Variants in ZNF329 observed in about 807,000 individuals in gnomAD.
The protein encoded by ZNF329 is zinc finger protein 329.
A neutral mutation model predicts 26.6 loss-of-function variants in ZNF329; 15 were observed. The ratio of observed to expected loss-of-function variants is 0.56; its 90% confidence interval spans 0.38 to 0.87. The LOEUF (loss-of-function observed/expected upper bound fraction) is 0.87, where lower values mean the gene tolerates loss of function less well. Among genes scored for constraint, ZNF329 ranks in the 40% least tolerant of loss-of-function variants. The pLI is 0.00. For missense variants in ZNF329, 651 were observed against 651.9 expected, an observed-to-expected ratio of 1.00 and a Z score of 0.02; for synonymous variants, 239 against 233.5, an observed-to-expected ratio of 1.02 and a Z score of -0.21.
intron 3 of ZNF329, among the ~76,000 whole-genome samples, chr19:58,139,052 C>T (rs747887380): frequency 1.3e-5 from 2 of 151,988 alleles, no homozygotes; most frequent in Non-Finnish European, 2.9e-5. Flanking sequence ...TTCAGACACA[C>T]AAAATATTCT....
At chr19:58,151,428 C>G (rs1174020812), upstream of ZNF329, among the ~76,000 whole-genome samples, 2 of 151,926 alleles carry the variant, frequency 1.3e-5, no homozygotes, top group African/African-American at 2.4e-5. Flanking sequence ...TGGTGAAACC[C>G]CGTCTCCACT....
intron 1 of ZNF329, among the ~76,000 whole-genome samples, chr19:58,149,072 C>T (rs1443998858): frequency 6.6e-6 from 1 of 152,104 alleles, no homozygotes; most frequent in African/African-American, 2.4e-5. Flanking sequence ...AAACAGCTTG[C>T]AGTAAAGGTG....
upstream of ZNF329, among the ~76,000 whole-genome samples, chr19:58,154,197 C>A (rs905871339): frequency 6.6e-6 from 1 of 152,060 alleles, no homozygotes; most frequent in Admixed American, 6.6e-5. Flanking sequence ...TTAGTAGAGA[C>A]GGGGTTTCAC....
upstream of ZNF329, among the ~76,000 whole-genome samples, chr19:58,151,601 C>CA (rs555824584): frequency 0.25 from 17,837 of 70,212 alleles, 1,655 homozygotes; most frequent in African/African-American, 0.29. Flanking sequence ...GACTTCGTCT[C>CA]AAAAAAAAAA....
At chr19:58,154,584 T>A (rs922981339), upstream of ZNF329, among the ~76,000 whole-genome samples, 2 of 152,164 alleles carry the variant, frequency 1.3e-5, no homozygotes, top group Admixed American at 1.3e-4. Flanking sequence ...AGGGCTCACA[T>A]TCCACAACTA....
At chr19:58,129,901 A>C (rs550095034) in intron 3 of ZNF329, among the ~76,000 whole-genome samples, 1 of 152,330 alleles carries the variant, frequency 6.6e-6, no homozygotes, top group Non-Finnish European at 1.5e-5. Flanking sequence ...CTGACTTCAC[A>C]ATGAGCTTAC....
chr19:58,131,111 A>ATGTGTGTGTGTG (rs1555806890), intron 3 of ZNF329, among the ~76,000 whole-genome samples: 11 of 147,510 alleles, frequency 7.5e-5, no homozygotes, highest in African/African-American at 2.7e-4. Context: ...ATACATGTAT[A>ATGTGTGTGTGTG]TGTGTATATG....
In ZNF329 at chr19:58,127,900, C is replaced by T. The variant is rs1201050139; in HGVS notation, c.1604G>A (p.Gly535Glu). 1.3e-6 allele frequency: 2 copies of T among 1,599,986 alleles called. No individual in the cohort carries two copies. Among genetic ancestry groups the T allele is most frequent in the Admixed American group, 1.7e-5 (1 of 58,320 alleles). The part of the protein sequence containing the change: ...SLVRHQRAHL[G>E]EQPMET ...CCATTATGTTTCCATGGGTTGCTCT[C>T]CCAGGTGTGCTCTTTGATGTCGAAC... Residue 535 changes from glycine (G) to glutamate (E), a missense_variant, in exon 4 of 4, where the codon GGA becomes GAA. Physicochemically the swap from Gly to Glu is moderately conservative, Grantham distance 98 (BLOSUM62 -2). Coordinates refer to ENST00000598312, the MANE Select transcript of ZNF329 (RefSeq NM_024620.4).
intron 3 of ZNF329, chr19:58,132,677 C>A (rs2074974016): frequency 8.2e-6 from 1 of 122,550 alleles, no homozygotes. Context: ...GAGACTCCGT[C>A]TGAAAAAAAA....
At chr19:58,150,045 T>A (rs139281366) in intron 1 of ZNF329, among the ~76,000 whole-genome samples, 63 of 152,340 alleles carry the variant, frequency 4.1e-4, no homozygotes, top group African/African-American at 1.5e-3. Context: ...GGTCGTTCAC[T>A]GCACAAGTCT....
intron 3 of ZNF329, among the ~76,000 whole-genome samples, chr19:58,133,163 C>T (rs1009571888): frequency 3.3e-5 from 5 of 152,042 alleles, no homozygotes; most frequent in East Asian, 1.9e-4. Context: ...CAGTGAATGA[C>T]GAAAATTATT....
At chr19:58,146,456 G>T (rs577767228) in intron 1 of ZNF329, among the ~76,000 whole-genome samples, 29 of 151,956 alleles carry the variant, frequency 1.9e-4, no homozygotes, top group African/African-American at 5.8e-4. Flanking sequence ...CCTGGGTGAC[G>T]GAGTAAGATT....
chr19:58,154,115 TCTC>T (rs944656384), upstream of ZNF329, among the ~76,000 whole-genome samples: 4 of 151,996 alleles, frequency 2.6e-5, no homozygotes, highest in African/African-American at 7.3e-5. Flanking sequence ...TTCAAGCGAT[TCTC>T]CTGTTTCAGC....
Position 58,128,091 on chromosome 19 carries a change from G to T in ZNF329, c.1413C>A (p.Thr471=), listed in dbSNP as rs1165224476. The change falls in exon 4 of 4, where the codon ACC becomes ACA. Residue 471 remains threonine, a synonymous_variant. Transcript: ENST00000598312. ...CCTTAGTGTGAATTCTCTGGTGCTT[G>T]GTCAGACAGGAGCTGTCCCTGAAGG... ...GKAFRDSSCL[T]KHQRIHTKET... 1.9e-6 allele frequency: 3 copies of T among 1,606,978 alleles called. No homozygotes were observed. The Admixed American group carries it at 5.1e-5, about 27-fold the overall frequency.
rs779271063 is a variant in ZNF329 at position 58,129,447 on chromosome 19, T to C, written c.57A>G (p.Val19=). Residue 19 remains valine, a synonymous_variant, in exon 4 of 4, where the codon GTA becomes GTG. Transcript: ENST00000598312. ...NFPEREVPCD[V]EVERFTREVP... The stretch of plus-strand genomic sequence containing the variant: ...CTTCCCTTGTGAATCTTTCCACTTC[T>C]ACATCACAGGGTACTTCTCTCTCAG... The C allele has an allele frequency of 4.3e-6, 7 of 1,613,868 alleles. No individual in the cohort carries two copies. Among genetic ancestry groups the C allele is most frequent in the East Asian group, 4.5e-5 (2 of 44,882 alleles).
chr19:58,127,938 CT>C lies in ZNF329; in HGVS notation c.1565del (p.Lys522ArgfsTer42). Reference protein sequence around the residue: ...RCPQCGKMFQKSSSLVRHQRA... With the variant: ...RCPQCGKMFQXSSSLVRHQRA... ...TTTGATGTCGAACAAGGGATGAGCT[CT>C]TTTGGAACATTTTTCCACACTGAGG... On this transcript the variant is annotated frameshift_variant, in exon 4 of 4. Transcript: ENST00000598312. LOFTEE classifies it high-confidence loss of function. The C allele has an allele frequency of 6.2e-7, 1 of 1,613,282 alleles. No individual in the cohort carries two copies. Among genetic ancestry groups the C allele is most frequent in the Non-Finnish European group, 8.5e-7 (1 of 1,179,622 alleles).
intron 1 of ZNF329, 138 bp from the exon 2 acceptor site, chr19:58,143,336 C>T (rs573946217): frequency 1.3e-5 from 2 of 152,162 alleles, no homozygotes; most frequent in African/African-American, 4.8e-5. Context: ...GATGAAAGGG[C>T]TGGGTACTGA....
chr19:58,133,588 T>A lies in ZNF329; in HGVS notation c.-8-4077A>T, dbSNP rs1232175825. ...GAGACTGTCTCAAAAAAAAAAAAAATTCAGAAAAGCAAAAGCAGAGTTCAT... is the reference window on the plus strand; with the variant it reads ...GAGACTGTCTCAAAAAAAAAAAAAAATCAGAAAAGCAAAAGCAGAGTTCAT... On this transcript the variant is annotated intron_variant, in intron 3 of 3. Coordinates refer to ENST00000598312, the MANE Select transcript of ZNF329 (RefSeq NM_024620.4). Among the ~76,000 whole-genome samples the A allele has an allele frequency of 3.5e-4, 52 of 148,798 alleles. 1 individual carries two copies. Among genetic ancestry groups the A allele is most frequent in the African/African-American group, 1.2e-3 (49 of 39,494 alleles).
At chr19:58,136,548 C>T (rs116497348) in intron 3 of ZNF329, among the ~76,000 whole-genome samples, 2,787 of 151,834 alleles carry the variant, frequency 0.018, 81 homozygotes, top group African/African-American at 0.063. Flanking sequence ...GGTGGTGTAA[C>T]TCGCCTTTAG....
Sources: gnomAD v4.1 joint callset for allele counts (sites outside exome capture counted in the v4.1 genomes callset) on GRCh38, gnomAD v4.1.1 for gene constraint, MANE v1.5 for transcripts, NCBI Gene and HGNC (gene_info 2026-07-23, HGNC 2026-07-21) for gene names.